USH2A: variants seen among roughly 807,000 people sequenced by gnomAD.
USH2A encodes Usher syndrome 2A (autosomal recessive, mild).
Under a neutral mutation model 538.9 loss-of-function variants are expected in USH2A, and 443 were observed. The observed-to-expected ratio is 0.82, with a 90% CI of 0.76 to 0.89. USH2A has a LOEUF of 0.89. Among genes scored for constraint, USH2A ranks in the 40% least tolerant of loss-of-function variants. The pLI is 0.00. For missense variants in USH2A, 6,633 were observed against 6,324.8 expected (o/e 1.05, Z -1.65); for synonymous variants, 2,413 against 2,273.5 (o/e 1.06, Z -1.75).
chr1:216,422,505 C>A lies in USH2A; in HGVS notation c.-169G>T. On this transcript the variant is annotated 5_prime_UTR_variant, in exon 2 of 72. Transcript: ENST00000307340. ...AGAGTAAGGTAATACCAACGACGTT[C>A]TTAGCAATGGCGAAGACATGAGTAG... 1.1e-6 allele frequency: 1 copy of A among 927,948 alleles called. No homozygotes were observed. The highest frequency in any genetic ancestry group is 1.6e-6 in the Non-Finnish European group (1 of 626,674). The allele number at this position is 927,948 out of a possible 1,614,324, so 57.5% of individuals were successfully genotyped here. A position where few individuals can be genotyped will look rare whatever the true frequency, so the allele number is the denominator to read the frequency against.
rs931154306 is a variant in USH2A, at chr1:216,324,370, A to G, written c.1144-18T>C. 7 of 1,589,202 alleles carry G rather than the reference A, an allele frequency of 4.4e-6. No homozygotes were observed. The African/African-American group carries it at 9.4e-5, about 21-fold the overall frequency. On this transcript the variant is annotated intron_variant, in intron 6 of 71. Transcript: ENST00000307340. ...TAAAACACCTGAAAATGGAAAGTTA[A>G]TTAATGTAATTAAAGTTTTAAGTTT...
In USH2A at chr1:216,065,825, A is replaced by G. The variant is rs146635851; in HGVS notation, c.6049+4276T>C. Among the ~76,000 whole-genome samples, 1,013 of 152,244 alleles carry G rather than the reference A, an allele frequency of 6.7e-3. 13 individuals carry two copies. Among genetic ancestry groups the G allele is most frequent in the African/African-American group, 0.022 (933 of 41,532 alleles). On this transcript the variant is annotated intron_variant, in intron 30 of 71. Transcript: ENST00000307340. ...GGCAGGAAAATCTCTTGAACTCAGG[A>G]GGCAGAGTTTGCAGTGAGCTGAGAT...
At chr1:216,083,943 G>A (rs1447600835) in intron 25 of USH2A, among the ~76,000 whole-genome samples, 1 of 152,060 alleles carries the variant, frequency 6.6e-6, no homozygotes, top group Non-Finnish European at 1.5e-5. Flanking sequence ...AATAAAAAAT[G>A]TGTAGATTAT....
chr1:215,653,207 A>T (rs1458390888), intron 64 of USH2A, among the ~76,000 whole-genome samples: 3 of 152,168 alleles, frequency 2.0e-5, no homozygotes, highest in Non-Finnish European at 4.4e-5. Flanking sequence ...TACTAGGTGG[A>T]GTTCTAGTTC....
rs1364420442 is a variant in USH2A, at chr1:216,217,527, A to C, written c.3017T>G (p.Leu1006Arg). The C allele has an allele frequency of 6.2e-7, 1 of 1,613,170 alleles. No individual in the cohort carries two copies. Among genetic ancestry groups the C allele is most frequent in the Non-Finnish European group, 8.5e-7 (1 of 1,179,360 alleles). ...ACAGGTTTCATTCAAGGCTCCTGAGAGATGACAATTACAAGGCTGACATCT... is the reference window on the plus strand; with the variant it reads ...ACAGGTTTCATTCAAGGCTCCTGAGCGATGACAATTACAAGGCTGACATCT... ...TGRCQPCNCH[L>R]SGALNETCHL... Residue 1006 changes from leucine to arginine, a missense_variant, in exon 15 of 72, where the codon CTC (leucine) becomes CGC (arginine). Physicochemically the swap from Leu to Arg is moderately radical, Grantham distance 102. Coordinates refer to ENST00000307340, the MANE Select transcript of USH2A (RefSeq NM_206933.4).
At chr1:216,363,798 A>G (rs1200661065) in intron 4 of USH2A, among the ~76,000 whole-genome samples, 1 of 151,970 alleles carries the variant, frequency 6.6e-6, no homozygotes. Context: ...ATTGACATGA[A>G]ACGTTGTTTA....
intron 38 of USH2A, among the ~76,000 whole-genome samples, chr1:215,904,565 G>A (rs183264137): frequency 9.5e-4 from 145 of 152,070 alleles, no homozygotes; most frequent in African/African-American, 3.3e-3. Context: ...ATAACTGGGA[G>A]CCAGCCATAA....
At chr1:216,054,968 C>CGG (rs1407749197) in intron 30 of USH2A, among the ~76,000 whole-genome samples, 3 of 152,144 alleles carry the variant, frequency 2.0e-5, no homozygotes, top group African/African-American at 7.2e-5. Flanking sequence ...GTCAGGGGTC[C>CGG]CCTTGTAAGG....
At chr1:216,034,592 G>T (rs149242413) in intron 32 of USH2A, among the ~76,000 whole-genome samples, 136 of 152,260 alleles carry the variant, frequency 8.9e-4, no homozygotes, top group African/African-American at 3.0e-3. Flanking sequence ...GAGGAGGAGA[G>T]AACTTTAGAA....
chr1:215,737,256 A>G (rs1271623623), intron 60 of USH2A, among the ~76,000 whole-genome samples: 2 of 151,984 alleles, frequency 1.3e-5, no homozygotes, highest in African/African-American at 4.8e-5. Flanking sequence ...ATTAATGTTA[A>G]TATATTAAAA....
At chr1:215,639,493 A>G (rs558091172) in intron 68 of USH2A, among the ~76,000 whole-genome samples, 3 of 152,366 alleles carry the variant, frequency 2.0e-5, no homozygotes, top group African/African-American at 7.2e-5. Context: ...GGAAAAGAAC[A>G]TCAGACGAGT....
At chr1:215,653,332 A>T (rs1657139255) in intron 64 of USH2A, among the ~76,000 whole-genome samples, 1 of 152,196 alleles carries the variant, frequency 6.6e-6, no homozygotes, top group Non-Finnish European at 1.5e-5. Context: ...AAAATTCCCC[A>T]TCACTAATAG....
intron 67 of USH2A, among the ~76,000 whole-genome samples, chr1:215,641,813 C>T (rs542909538): frequency 3.6e-4 from 55 of 152,166 alleles, no homozygotes; most frequent in South Asian, 1.2e-3. Flanking sequence ...AATATTCAAC[C>T]GTAAAGACAC....
In USH2A at chr1:215,674,418, G is replaced by C. The variant is rs1451116402; in HGVS notation, c.13493C>G (p.Thr4498Ser). ...GCTATACTCCACACCTGGGGTGAGA[G>C]TAAAATCACGATAGCGTGTTTCCAA... Reference protein sequence around the residue: ...TGLETRYRDFTLTPGVEYSYT... With the variant: ...TGLETRYRDFSLTPGVEYSYT... The change falls in exon 63 of 72, where the codon ACT becomes AGT. Residue 4498 changes from threonine to serine, a missense_variant. By Grantham distance (58) the Thr-to-Ser change is moderately conservative. Transcript: ENST00000307340. The C allele has an allele frequency of 1.2e-6, 2 of 1,614,016 alleles. No homozygotes were observed. The highest frequency in any genetic ancestry group is 2.7e-5 in the African/African-American group (2 of 74,912).
chr1:216,075,351 C>G (rs2031709645), intron 27 of USH2A, among the ~76,000 whole-genome samples: 1 of 152,034 alleles, frequency 6.6e-6, no homozygotes, highest in Non-Finnish European at 1.5e-5. Flanking sequence ...GCTCCCCAGA[C>G]CTAAAACATT....
At chr1:216,344,118 T>C (rs1323258246) in intron 4 of USH2A, among the ~76,000 whole-genome samples, 3 of 152,112 alleles carry the variant, frequency 2.0e-5, no homozygotes, top group Non-Finnish European at 4.4e-5. Context: ...TTTAAAACTA[T>C]GAAATGTGCA....
intron 13 of USH2A, among the ~76,000 whole-genome samples, chr1:216,235,209 A>G (rs749197995): frequency 2.0e-5 from 3 of 152,164 alleles, no homozygotes; most frequent in Non-Finnish European, 4.4e-5. Flanking sequence ...TGGCTTAATT[A>G]TAACTGACCT....
chr1:216,239,201 T>C (rs12023261), intron 13 of USH2A, among the ~76,000 whole-genome samples: 2,002 of 152,280 alleles, frequency 0.013, 77 homozygotes, highest in Admixed American at 0.081. Flanking sequence ...ACATTGCTCT[T>C]TTCGTGGGCT....
chr1:215,811,518 G>A (rs1407415415), intron 49 of USH2A, among the ~76,000 whole-genome samples: 6 of 152,038 alleles, frequency 3.9e-5, no homozygotes, highest in Non-Finnish European at 8.8e-5. Context: ...AACTGACTAA[G>A]GACAAGAAGA....
Sources: allele counts gnomAD v4.1 joint callset (sites outside exome capture counted in the v4.1 genomes callset), GRCh38; gene constraint gnomAD v4.1.1; transcripts MANE v1.5; gene names NCBI Gene and HGNC (gene_info 2026-07-23, HGNC 2026-07-21).